ZFHX3: variants seen among roughly 807,000 people sequenced by gnomAD.
ZFHX3 encodes zinc finger homeobox 3.
ZFHX3 carries 42 observed loss-of-function variants against 279.1 expected under a neutral mutation model. The ratio of observed to expected loss-of-function variants is 0.15; its 90% CI spans 0.12 to 0.19. The LOEUF (loss-of-function observed/expected upper bound fraction) is 0.19, where lower values mean the gene tolerates loss of function less well. Ranked by LOEUF, ZFHX3 falls within the 10% of genes least tolerant of loss-of-function variation. The probability of loss-of-function intolerance (pLI) is 1.00; values close to 1 mark genes in which losing one functional copy is unlikely to be tolerated. For synonymous variants in ZFHX3, 2,293 were observed against 1,957.8 expected, an observed-to-expected ratio of 1.17 and a Z score of -4.52; for missense variants, 4,981 against 4,754.0, an observed-to-expected ratio of 1.05 and a Z score of -1.40.
chr16:73,708,337 C>T (rs4243139), intron 1 of ZFHX3, among the ~76,000 whole-genome samples: 3 of 152,126 alleles, frequency 2.0e-5, no homozygotes, highest in Admixed American at 6.5e-5. Context: ...AAGAATACAC[C>T]GCTGATGTAA....
chr16:72,933,987 T>A (rs933778117), intron 3 of ZFHX3, among the ~76,000 whole-genome samples: 2 of 151,828 alleles, frequency 1.3e-5, no homozygotes, highest in East Asian at 1.9e-4. Flanking sequence ...CCCAGCTAAT[T>A]TTTTGTATTT....
intron 4 of ZFHX3, among the ~76,000 whole-genome samples, chr16:73,272,185 C>T (rs986618032): frequency 1.3e-5 from 2 of 152,146 alleles, no homozygotes; most frequent in Non-Finnish European, 2.9e-5. Context: ...ATATTACTCC[C>T]TTTTTAAAAA....
At chr16:72,917,790 C>T (rs1222671795) in intron 3 of ZFHX3, among the ~76,000 whole-genome samples, 2 of 152,016 alleles carry the variant, frequency 1.3e-5, no homozygotes, top group African/African-American at 2.4e-5. Flanking sequence ...CTCTGCATTT[C>T]CAAAATTTTT....
Position 73,039,200 on chromosome 16 carries a change from C to T in ZFHX3, c.-50+8552G>A, listed in dbSNP as rs114908615. Among the ~76,000 whole-genome samples the T allele has an allele frequency of 1.7e-3, 258 of 152,164 alleles. 1 individual carries two copies. Among genetic ancestry groups the T allele is most frequent in the African/African-American group, 5.8e-3 (239 of 41,512 alleles). ...CTCAAGCCCCTGAGCTCAAGCAATC[C>T]GCCTGCCTCTGCCTCCCAAAGTGCT... On this transcript the variant is annotated intron_variant, in intron 1 of 9. Coordinates refer to ENST00000268489, the MANE Select transcript of ZFHX3 (RefSeq NM_006885.4).
intron 1 of ZFHX3, among the ~76,000 whole-genome samples, chr16:72,993,656 C>T (rs987535858): frequency 2.0e-5 from 3 of 152,164 alleles, no homozygotes; most frequent in Non-Finnish European, 4.4e-5. Flanking sequence ...GCCCACCACT[C>T]CCCACTCCAA....
chr16:72,944,615 C>A (rs1306699797), intron 3 of ZFHX3, among the ~76,000 whole-genome samples: 3 of 152,056 alleles, frequency 2.0e-5, no homozygotes, highest in Non-Finnish European at 4.4e-5. Context: ...GTAGGATTAA[C>A]CAGATATATT....
chr16:73,682,812 GA>G (rs2053024927), intron 1 of ZFHX3, among the ~76,000 whole-genome samples: 1 of 145,690 alleles, frequency 6.9e-6, no homozygotes, highest in Admixed American at 6.9e-5. Flanking sequence ...AAGAAAGAAA[GA>G]GAGAAAGAGA....
At chr16:73,447,113 G>A (rs564002286) in intron 3 of ZFHX3, among the ~76,000 whole-genome samples, 131 of 151,230 alleles carry the variant, frequency 8.7e-4, no homozygotes, top group African/African-American at 3.0e-3. Flanking sequence ...CCCGGGATGC[G>A]GAGCTTGCAG....
chr16:73,346,237 A>G (rs1200807554), intron 3 of ZFHX3, among the ~76,000 whole-genome samples: 7 of 152,170 alleles, frequency 4.6e-5, no homozygotes, highest in South Asian at 2.1e-4. Flanking sequence ...GAACTTTTCC[A>G]GCATTTGGGA....
intron 3 of ZFHX3, among the ~76,000 whole-genome samples, chr16:73,429,829 C>A (rs1597332509): frequency 6.6e-6 from 1 of 152,306 alleles, no homozygotes; most frequent in South Asian, 2.1e-4. Context: ...CGCTCCCCCA[C>A]AGATGGCTTG....
intron 5 of ZFHX3, among the ~76,000 whole-genome samples, chr16:73,220,046 A>G (rs955233106): frequency 4.6e-5 from 7 of 152,156 alleles, no homozygotes; most frequent in Non-Finnish European, 1.0e-4. Flanking sequence ...AGGTTGTGCC[A>G]TTGTACTCCA....
chr16:73,415,676 C>A (rs887870232), intron 3 of ZFHX3, among the ~76,000 whole-genome samples: 11 of 152,138 alleles, frequency 7.2e-5, no homozygotes, highest in African/African-American at 2.7e-4. Flanking sequence ...TTACTGAATT[C>A]CCCTGTCTGT....
chr16:73,106,456 G>T (rs1249688697), intron 7 of ZFHX3, among the ~76,000 whole-genome samples: 1 of 152,006 alleles, frequency 6.6e-6, no homozygotes, highest in Non-Finnish European at 1.5e-5. Context: ...CTCTCTAAGG[G>T]TGAGTGCTCT....
chr16:72,974,218 T>C (rs1380701876), intron 1 of ZFHX3, among the ~76,000 whole-genome samples: 3 of 152,192 alleles, frequency 2.0e-5, no homozygotes, highest in Non-Finnish European at 4.4e-5. Flanking sequence ...ATGAAGAACA[T>C]GGTACAGCTG....
At chr16:73,232,108 C>A (rs902778653) in intron 5 of ZFHX3, 13 of 152,120 alleles carry the variant, frequency 8.5e-5, no homozygotes, top group Admixed American at 3.3e-4. Context: ...GAATACAGGA[C>A]CCCCTCCTCA....
intron 3 of ZFHX3, among the ~76,000 whole-genome samples, chr16:72,913,699 T>C (rs1248033720): frequency 1.3e-5 from 2 of 152,212 alleles, no homozygotes; most frequent in Non-Finnish European, 2.9e-5. Context: ...GGAGTGAAGC[T>C]CCACCTTCTG....
At chr16:73,636,824 A>G (rs1005481995) in intron 2 of ZFHX3, among the ~76,000 whole-genome samples, 3 of 152,222 alleles carry the variant, frequency 2.0e-5, no homozygotes, top group African/African-American at 7.2e-5. Flanking sequence ...AAAGCTATCA[A>G]TTTCATGTAA....
At chr16:73,677,226 A>G (rs2052963971) in intron 2 of ZFHX3, among the ~76,000 whole-genome samples, 1 of 23,816 alleles carries the variant, frequency 4.2e-5, no homozygotes, top group African/African-American at 2.4e-4. Flanking sequence ...ACTGTAAATT[A>G]ATAATAACAT....
chr16:73,184,727 T>G (rs1338395126), intron 5 of ZFHX3, among the ~76,000 whole-genome samples: 1 of 152,158 alleles, frequency 6.6e-6, no homozygotes, highest in Admixed American at 6.5e-5. Flanking sequence ...TTTGCAAGGA[T>G]GAGGAGGCCC....
Sources: gnomAD v4.1 joint callset for allele counts (sites outside exome capture counted in the v4.1 genomes callset) on GRCh38, gnomAD v4.1.1 for gene constraint, MANE v1.5 for transcripts, NCBI Gene and HGNC (gene_info 2026-07-23, HGNC 2026-07-21) for gene names.